RERE: variants seen among roughly 807,000 people sequenced by gnomAD.
RERE encodes the protein arginine-glutamic acid dipeptide repeats.
Under a neutral mutation model 146.1 loss-of-function variants are expected in RERE, and 40 were observed. That is an observed-to-expected ratio of 0.27 (90% CI 0.21 to 0.36). The LOEUF (loss-of-function observed/expected upper bound fraction) is 0.36. Ranked by LOEUF, RERE falls within the 10% of genes least tolerant of loss-of-function variation. RERE has a pLI of 1.00. For missense variants in RERE, 1,933 were observed against 2,138.7 expected (o/e 0.90, Z 1.90); for synonymous variants, 1,003 against 866.0 (o/e 1.16, Z -2.78).
chr1:8,563,870 TAA>T (rs1292461761), intron 4 of RERE, among the ~76,000 whole-genome samples: 1 of 152,218 alleles, frequency 6.6e-6, no homozygotes, highest in African/African-American at 2.4e-5. Context: ...ATAATAAGGT[TAA>T]GAGTTGTCTG....
chr1:8,361,931 G>A, intron 16 of RERE, 55 bp from the exon 17 acceptor site: 1 of 1,250,374 alleles, frequency 8.0e-7, no homozygotes, highest in Non-Finnish European at 1.2e-6. Context: ...CATCCCATCA[G>A]CCTCAGCAAG....
intron 4 of RERE, among the ~76,000 whole-genome samples, chr1:8,589,006 C>T (rs1192454316): frequency 6.6e-6 from 1 of 151,742 alleles, no homozygotes. Context: ...CACCTGTAAT[C>T]CCAGCTACTT....
At chr1:8,769,783 A>AT (rs548086408) in intron 1 of RERE, among the ~76,000 whole-genome samples, 37 of 150,284 alleles carry the variant, frequency 2.5e-4, no homozygotes, top group Non-Finnish European at 2.8e-4. Flanking sequence ...AGGCCACACG[A>AT]TTTTTTTTTA....
At chr1:8,755,458 A>C (rs1640622775) in intron 1 of RERE, among the ~76,000 whole-genome samples, 1 of 151,964 alleles carries the variant, frequency 6.6e-6, no homozygotes, top group South Asian at 2.1e-4. Flanking sequence ...TGTTTATACA[A>C]GTTGGGGGGC....
intron 1 of RERE, among the ~76,000 whole-genome samples, chr1:8,735,144 A>T (rs1340126227): frequency 2.0e-5 from 3 of 152,210 alleles, no homozygotes; most frequent in African/African-American, 4.8e-5. Context: ...AAAATCTATA[A>T]CATATATAAA....
chr1:8,623,500 A>G (rs1339262654), intron 3 of RERE, among the ~76,000 whole-genome samples: 2 of 152,184 alleles, frequency 1.3e-5, no homozygotes, highest in East Asian at 1.9e-4. Context: ...TTGCTTTTAA[A>G]TAAGTGAAAT....
chr1:8,376,868 T>C (rs1054961987), intron 12 of RERE, among the ~76,000 whole-genome samples: 1 of 152,228 alleles, frequency 6.6e-6, no homozygotes, highest in Non-Finnish European at 1.5e-5. Flanking sequence ...CGTACAGGTG[T>C]TGGAGGGATC....
At chr1:8,400,854 A>C (rs896201330) in intron 12 of RERE, among the ~76,000 whole-genome samples, 4 of 146,378 alleles carry the variant, frequency 2.7e-5, no homozygotes, top group Non-Finnish European at 6.0e-5. Context: ...AAAAAAAAAA[A>C]AAAAAACCCA....
At chr1:8,569,862 A>AG (rs1646198117) in intron 4 of RERE, among the ~76,000 whole-genome samples, 1 of 152,134 alleles carries the variant, frequency 6.6e-6, no homozygotes, top group South Asian at 2.1e-4. Flanking sequence ...GCCACACTCC[A>AG]GCCTGGGTGA....
Position 8,359,896 on chromosome 1 carries a change from C to G in RERE, c.3486G>C (p.Lys1162Asn). ...TGGCCTTCTCAATGGCCTCCTCCCTCTTCTTGGCCAGCTTGGACCCGGCCA... is the reference window on the plus strand; with the variant it reads ...TGGCCTTCTCAATGGCCTCCTCCCTGTTCTTGGCCAGCTTGGACCCGGCCA... ...MPLAGSKLAK[K>N]REEAIEKAKR... The change falls in exon 19 of 23, where the codon AAG (lysine) becomes AAC (asparagine). Residue 1162 changes from lysine to asparagine, a missense_variant. This residue lies in a region of RERE where 1,255 missense variants were observed against 1,153.8 expected (regional missense o/e 1.09). Coordinates refer to ENST00000400908, the MANE Select transcript of RERE (RefSeq NM_001042681.2). 6.2e-7 allele frequency: 1 copy of G among 1,613,378 alleles called. No homozygotes were observed. Among genetic ancestry groups the G allele is most frequent in the Non-Finnish European group, 8.5e-7 (1 of 1,180,034 alleles).
rs1008459111 is a variant in RERE at position 8,685,389 on chromosome 1, A to C, written c.-144-28948T>G. 4.1e-5 allele frequency among the ~76,000 whole-genome samples: 4 copies of C among 97,304 alleles called. No individual in the cohort carries two copies. In the Admixed American group the frequency reaches 4.6e-4, roughly 11 times the overall value. The allele number at this position is 97,304 out of a possible 152,430, so 63.8% of individuals were successfully genotyped here. Reference sequence around the variant, plus strand: ...CAACCATATTTCCAAGTATTAAAACAACAAAATACAAATAATCCTAAGAAA... The same window carrying C: ...CAACCATATTTCCAAGTATTAAAACCACAAAATACAAATAATCCTAAGAAA... On this transcript the variant is annotated intron_variant, in intron 1 of 22. Transcript: ENST00000400908.
intron 1 of RERE, among the ~76,000 whole-genome samples, chr1:8,764,424 A>T (rs915163141): frequency 2.0e-5 from 3 of 152,188 alleles, no homozygotes; most frequent in Admixed American, 1.3e-4. Flanking sequence ...TTAAATGTTT[A>T]AAAACAAAAA....
chr1:8,655,313 T>C (rs1638248444), intron 2 of RERE, among the ~76,000 whole-genome samples: 1 of 151,768 alleles, frequency 6.6e-6, no homozygotes, highest in Non-Finnish European at 1.5e-5. Context: ...TTCAAGCAAT[T>C]CTCCCGTCTC....
intron 1 of RERE, among the ~76,000 whole-genome samples, chr1:8,774,799 A>C (rs1641028398): frequency 6.6e-6 from 1 of 152,104 alleles, no homozygotes; most frequent in South Asian, 2.1e-4. Context: ...ACAAACATGA[A>C]CGTGCTCATT....
intron 2 of RERE, among the ~76,000 whole-genome samples, chr1:8,639,150 A>G (rs1166892758): frequency 6.6e-6 from 1 of 152,218 alleles, no homozygotes; most frequent in Non-Finnish European, 1.5e-5. Flanking sequence ...AAGTAAATTC[A>G]GGGGAGAGAA....
chr1:8,621,491 C>T (rs55830087), intron 3 of RERE, among the ~76,000 whole-genome samples: 24,190 of 152,138 alleles, frequency 0.16, 2,328 homozygotes, highest in Middle Eastern at 0.26. Context: ...TGTATCATAA[C>T]GGGCATTCAC....
At chr1:8,760,318 C>A (rs1448437513) in intron 1 of RERE, among the ~76,000 whole-genome samples, 1 of 152,226 alleles carries the variant, frequency 6.6e-6, no homozygotes, top group East Asian at 1.9e-4. Context: ...TAAGCCACTG[C>A]GCCCAGCCCC....
At chr1:8,712,003 T>A (rs987559316) in intron 1 of RERE, among the ~76,000 whole-genome samples, 1 of 152,174 alleles carries the variant, frequency 6.6e-6, no homozygotes, top group Non-Finnish European at 1.5e-5. Context: ...ATTAAATGAG[T>A]ACCATTTGCC....
intron 1 of RERE, chr1:8,750,289 A>AT (rs1328307274): frequency 5.5e-6 from 3 of 544,988 alleles, no homozygotes; most frequent in Admixed American, 3.2e-5. Flanking sequence ...ATGCTTCAAT[A>AT]TCAAGGTAAC....
Sources: gnomAD v4.1 joint callset for allele counts (sites outside exome capture counted in the v4.1 genomes callset) on GRCh38, gnomAD v4.1.1 for gene constraint, gnomAD v4.1.1 regional missense constraint, MANE v1.5 for transcripts, NCBI Gene and HGNC (gene_info 2026-07-23, HGNC 2026-07-21) for gene names.